RFX3: variants seen among roughly 807,000 people sequenced by gnomAD.
The protein encoded by RFX3 is transcription factor RFX3.
A neutral mutation model predicts 98.6 loss-of-function variants in RFX3; 14 were observed. That is an observed-to-expected ratio of 0.14 (90% CI 0.09 to 0.22). The LOEUF (loss-of-function observed/expected upper bound fraction) is 0.22, where lower values mean the gene tolerates loss of function less well. Among genes scored for constraint, RFX3 ranks in the 10% least tolerant of loss-of-function variants. The probability of loss-of-function intolerance (pLI) is 1.00; values close to 1 mark genes in which losing one functional copy is unlikely to be tolerated. For synonymous variants in RFX3, 383 were observed against 328.4 expected (o/e 1.17, Z -1.80); for missense variants, 639 against 926.9 (o/e 0.69, Z 4.03).
intron 12 of RFX3, 102 bp from the exon 13 acceptor site, chr9:3,263,186 C>T: frequency 8.4e-7 from 1 of 1,184,298 alleles, no homozygotes; most frequent in Non-Finnish European, 1.2e-6. Flanking sequence ...AAATGCTTGC[C>T]TCTGACACTT....
At chr9:3,303,850 T>C (rs1184176379) in intron 4 of RFX3, among the ~76,000 whole-genome samples, 1 of 152,022 alleles carries the variant, frequency 6.6e-6, no homozygotes, top group East Asian at 1.9e-4. Context: ...ACTGACATTC[T>C]AGAATGCCTT....
chr9:3,246,966 G>T, intron 15 of RFX3: 1 of 661,290 alleles, frequency 1.5e-6, no homozygotes, highest in Non-Finnish European at 1.9e-6. Flanking sequence ...TATTAGGGAG[G>T]TCCTTGAAGT....
At chr9:3,377,352 C>G (rs1387042536) in intron 2 of RFX3, among the ~76,000 whole-genome samples, 2 of 152,196 alleles carry the variant, frequency 1.3e-5, no homozygotes, top group East Asian at 3.9e-4. Context: ...GGACAAAAAA[C>G]CAAACACCGC....
chr9:3,242,528 A>G (rs1329733047), intron 15 of RFX3, among the ~76,000 whole-genome samples: 1 of 152,120 alleles, frequency 6.6e-6, no homozygotes, highest in Non-Finnish European at 1.5e-5. Flanking sequence ...ACACTAGCAC[A>G]ATGCTTGCTA....
chr9:3,522,092 C>G (rs534936902), intron 1 of RFX3, among the ~76,000 whole-genome samples: 14 of 151,200 alleles, frequency 9.3e-5, no homozygotes, highest in African/African-American at 2.4e-4. Context: ...ATTTTACTAA[C>G]AACAAAAGCA....
chr9:3,463,011 A>C (rs560914250), intron 1 of RFX3, among the ~76,000 whole-genome samples: 3 of 152,152 alleles, frequency 2.0e-5, no homozygotes, highest in Non-Finnish European at 4.4e-5. Context: ...TACAGAGTCA[A>C]TGCAATTCCA....
chr9:3,407,980 T>G (rs140848121), intron 1 of RFX3, among the ~76,000 whole-genome samples: 1 of 152,198 alleles, frequency 6.6e-6, no homozygotes, highest in East Asian at 1.9e-4. Flanking sequence ...CTTTTCTTTC[T>G]GAAATCTCAG....
At chr9:3,309,348 T>A (rs1829703886) in intron 4 of RFX3, among the ~76,000 whole-genome samples, 1 of 152,114 alleles carries the variant, frequency 6.6e-6, no homozygotes, top group Non-Finnish European at 1.5e-5. Flanking sequence ...ACAGGGCACC[T>A]ATTATCTCCT....
chr9:3,374,407 A>T (rs975009074), intron 2 of RFX3, among the ~76,000 whole-genome samples: 3 of 150,584 alleles, frequency 2.0e-5, no homozygotes, highest in Admixed American at 2.0e-4. Flanking sequence ...CCAATAGTAC[A>T]GCTTGTTCAT....
intron 15 of RFX3, among the ~76,000 whole-genome samples, chr9:3,231,108 C>A (rs1269922471): frequency 6.6e-6 from 1 of 152,150 alleles, no homozygotes; most frequent in East Asian, 1.9e-4. Flanking sequence ...AATTCCGAGG[C>A]TTGTCATTAT....
chr9:3,232,405 G>A (rs1818590668), intron 15 of RFX3, among the ~76,000 whole-genome samples: 1 of 152,078 alleles, frequency 6.6e-6, no homozygotes, highest in Admixed American at 6.6e-5. Flanking sequence ...CTCAGTCACC[G>A]CATCATGCTC....
intron 8 of RFX3, among the ~76,000 whole-genome samples, chr9:3,277,021 G>A (rs531754925): frequency 6.6e-6 from 1 of 151,926 alleles, no homozygotes; most frequent in Non-Finnish European, 1.5e-5. Context: ...TTTGGCACTT[G>A]AAGTTACTAC....
chr9:3,496,553 A>C (rs1851123295), intron 1 of RFX3, among the ~76,000 whole-genome samples: 1 of 152,030 alleles, frequency 6.6e-6, no homozygotes, highest in South Asian at 2.1e-4. Flanking sequence ...AGATGAAAAT[A>C]AGAATACTAG....
At chr9:3,366,693 CCTTTCTTTCTTTCTTTCTTTCTTT>C (rs1202997871) in intron 2 of RFX3, among the ~76,000 whole-genome samples, 122 of 85,490 alleles carry the variant, frequency 1.4e-3, no homozygotes, top group African/African-American at 4.3e-3. Flanking sequence ...TTCTTTCTTT[CCTTTCTTTCTTTCTTTCTTTCTTT>C]CTTTCTTTCT....
chr9:3,381,288 C>T (rs1029225515), intron 2 of RFX3, among the ~76,000 whole-genome samples: 5 of 151,720 alleles, frequency 3.3e-5, no homozygotes, highest in Non-Finnish European at 2.9e-5. Context: ...TATTAATGGT[C>T]GTAAACAGGA....
At chr9:3,313,473 G>C (rs1325530518) in intron 4 of RFX3, among the ~76,000 whole-genome samples, 1 of 152,182 alleles carries the variant, frequency 6.6e-6, no homozygotes, top group Admixed American at 6.5e-5. Context: ...TCCTCCAAAG[G>C]AACGCAGCTC....
chr9:3,481,580 CA>C (rs919426482), intron 1 of RFX3, among the ~76,000 whole-genome samples: 22 of 145,218 alleles, frequency 1.5e-4, no homozygotes, highest in South Asian at 4.4e-4. Flanking sequence ...GAATAAAAAG[CA>C]AAAAAAAATT....
chr9:3,504,869 AT>A (rs1564185249), intron 1 of RFX3, among the ~76,000 whole-genome samples: 3 of 77,074 alleles, frequency 3.9e-5, no homozygotes, highest in South Asian at 3.8e-4. Flanking sequence ...TATAATATAT[AT>A]TATATATATT....
At chr9:3,317,158 A>C (rs201763060) in intron 4 of RFX3, among the ~76,000 whole-genome samples, 1 of 152,180 alleles carries the variant, frequency 6.6e-6, no homozygotes, top group Admixed American at 6.5e-5. Flanking sequence ...ATGGTACTGG[A>C]ACCAAAACAG....
Sources: allele counts gnomAD v4.1 joint callset (sites outside exome capture counted in the v4.1 genomes callset), GRCh38; gene constraint gnomAD v4.1.1; transcripts MANE v1.5; gene names NCBI Gene and HGNC (gene_info 2026-07-23, HGNC 2026-07-21).